The following SPCS3 variants were observed in gnomAD, a reference collection of about 807,000 sequenced individuals.
SPCS3 encodes SPase 22 kDa subunit.
Under a neutral mutation model 17.2 loss-of-function variants are expected in SPCS3, and 9 were observed. The observed-to-expected ratio is 0.52, with a 90% confidence interval of 0.31 to 0.91. SPCS3 has a LOEUF of 0.91. SPCS3 is among the 40% of genes least tolerant of loss of function. The pLI is 0.04. For missense variants in SPCS3, 139 were observed against 217.5 expected (o/e 0.64, Z 2.27); for synonymous variants, 87 against 89.6 (o/e 0.97, Z 0.16).
chr4:176,330,667 A>T lies in SPCS3; in HGVS notation c.*2337A>T, dbSNP rs1560839589. On this transcript the variant is annotated 3_prime_UTR_variant, in exon 5 of 5. Transcript: ENST00000503362. ...ACATTTAAAAAATTGACTTGTGTTC[A>T]GTTTGATAACCAGTTCATTTGCTTT... is the stretch of plus-strand genomic sequence containing the variant. 6.6e-6 allele frequency: 1 copy of T among 152,202 alleles called. No homozygotes were observed. Among genetic ancestry groups the T allele is most frequent in the Non-Finnish European group, 1.5e-5 (1 of 68,022 alleles). The allele number at this position is 152,202 out of a possible 1,614,324, so 9.4% of individuals were successfully genotyped here. A position where few individuals can be genotyped will look rare whatever the true frequency, so the allele number is the denominator to read the frequency against.
intron 4 of SPCS3, chr4:176,327,513 G>A (rs561755924): frequency 1.7e-5 from 5 of 291,376 alleles, no homozygotes; most frequent in South Asian, 4.2e-5. Flanking sequence ...TATCCTAAGC[G>A]TGTACAAGGA....
intron 1 of SPCS3, 35 bp from the exon 2 acceptor site, chr4:176,322,135 T>C (rs1037822426): frequency 1.4e-5 from 20 of 1,381,780 alleles, no homozygotes; most frequent in Non-Finnish European, 1.7e-5. Context: ...TATGTTCTGT[T>C]GGAAGGATGG....
At position 176,327,152 on chromosome 4, in the gene SPCS3, T is replaced by C. The variant is rs1453822896; in HGVS notation, c.295-10T>C. The C allele has an allele frequency of 6.7e-7, 1 of 1,500,558 alleles. No homozygotes were observed. The allele number at this position is 1,500,558 out of a possible 1,614,324, so 93.0% of individuals were successfully genotyped here. A position where few individuals can be genotyped will look rare whatever the true frequency, so the allele number is the denominator to read the frequency against. Reference sequence around the variant, plus strand: ...GATGAGTTATCTAATTAATTTTCATTTTAATATAGGCTCTGAACCAAGTTG... The same window carrying C: ...GATGAGTTATCTAATTAATTTTCATCTTAATATAGGCTCTGAACCAAGTTG... On this transcript the variant is annotated splice_polypyrimidine_tract_variant and intron_variant, in intron 3 of 4. Transcript: ENST00000503362.
rs183083748 is a variant in SPCS3 at position 176,331,501 on chromosome 4, G to A, written c.*3171G>A. On this transcript the variant is annotated 3_prime_UTR_variant, in exon 5 of 5. Transcript: ENST00000503362. Reference sequence around the variant, plus strand: ...GTTGCATGTTTTTGATGCAATTTGGGAAATTGTTTACTTCACAATGTAGTC... The same window carrying A: ...GTTGCATGTTTTTGATGCAATTTGGAAAATTGTTTACTTCACAATGTAGTC... 217 of 152,210 alleles carry A rather than the reference G, an allele frequency of 1.4e-3. 3 individuals carry two copies. Among genetic ancestry groups the A allele is most frequent in the African/African-American group, 4.8e-3 (201 of 41,536 alleles). The allele number at this position is 152,210 out of a possible 1,614,324, so 9.4% of individuals were successfully genotyped here.
chr4:176,325,751 A>C (rs771025114), intron 3 of SPCS3, among the ~76,000 whole-genome samples: 2 of 151,632 alleles, frequency 1.3e-5, no homozygotes, highest in Non-Finnish European at 1.5e-5. Flanking sequence ...GTTTTTATTT[A>C]TTTATTTTTA....
rs972262927 is a variant in SPCS3, at chr4:176,332,075, A to T, written c.*3745A>T. 3 of 151,994 alleles carry T rather than the reference A, an allele frequency of 2.0e-5. No individual in the cohort carries two copies. The highest frequency in any genetic ancestry group is 7.3e-5 in the African/African-American group (3 of 41,368). The allele number at this position is 151,994 out of a possible 1,614,324, so 9.4% of individuals were successfully genotyped here. ...TTTTCTTTTTTTTTGTGGGGGTGGG[A>T]TGGGGGAGGTTAGTTACACTTAAAA... On this transcript the variant is annotated 3_prime_UTR_variant, in exon 5 of 5. Coordinates refer to ENST00000503362, the MANE Select transcript of SPCS3 (RefSeq NM_021928.4).
intron 1 of SPCS3, 102 bp downstream of exon 1, chr4:176,320,321 A>G (rs1731518471): frequency 1.8e-6 from 2 of 1,127,384 alleles, no homozygotes; most frequent in Non-Finnish European, 2.2e-6. Flanking sequence ...GGCCGCGGGC[A>G]GGGCGTCCGG....
At chr4:176,323,332 C>T (rs35687562) in intron 2 of SPCS3, among the ~76,000 whole-genome samples, 10,074 of 152,054 alleles carry the variant, frequency 0.066, 373 homozygotes, top group African/African-American at 0.091. Flanking sequence ...TTATATATTA[C>T]CAATCTCATT....
At chr4:176,325,180 T>C (rs991932122) in intron 3 of SPCS3, among the ~76,000 whole-genome samples, 2 of 151,496 alleles carry the variant, frequency 1.3e-5, no homozygotes, top group Admixed American at 6.6e-5. Context: ...CTCAGCCTCC[T>C]GAGTAGCTGG....
intron 1 of SPCS3, chr4:176,320,628 C>A (rs1415827521): frequency 6.5e-6 from 1 of 152,878 alleles, no homozygotes; most frequent in Non-Finnish European, 1.5e-5. Flanking sequence ...CATGCGAGGC[C>A]CTCCAGGCGC....
intron 4 of SPCS3, among the ~76,000 whole-genome samples, chr4:176,327,789 C>T (rs73871982): frequency 0.011 from 1,677 of 152,302 alleles, 32 homozygotes; most frequent in African/African-American, 0.036. Context: ...CCAAGCCAAA[C>T]GTCTGTATTT....
Position 176,329,726 on chromosome 4 carries a change from C to G in SPCS3, c.*1396C>G, listed in dbSNP as rs186839159. 2.3e-4 allele frequency: 35 copies of G among 151,852 alleles called. No homozygotes were observed. The East Asian group carries it at 4.4e-3, about 19-fold the overall frequency. 9.4% of individuals were successfully genotyped at this position (151,852 alleles called of 1,614,324 possible). ...TTTCTGCAGTGGACAAATAAACATC[C>G]TCAAAGTAGCAACTGCAAATCAGTT... is the stretch of plus-strand genomic sequence containing the variant. On this transcript the variant is annotated 3_prime_UTR_variant, in exon 5 of 5. Coordinates refer to ENST00000503362, the MANE Select transcript of SPCS3 (RefSeq NM_021928.4).
Position 176,320,001 on chromosome 4 carries a change from C to A in SPCS3, c.-76C>A, listed in dbSNP as rs903405630. The A allele has an allele frequency of 2.2e-6, 3 of 1,387,674 alleles. No homozygotes were observed. Among genetic ancestry groups the A allele is most frequent in the Non-Finnish European group, 1.9e-6 (2 of 1,058,332 alleles). The allele number at this position is 1,387,674 out of a possible 1,614,324, so 86.0% of individuals were successfully genotyped here. On this transcript the variant is annotated 5_prime_UTR_variant, in exon 1 of 5. Coordinates refer to ENST00000503362, the MANE Select transcript of SPCS3 (RefSeq NM_021928.4). ...CGCGCGCACCGCAGACGGCGCGGAT[C>A]GCAGGGAGCCGGTCCGCCGCCGGAA...
chr4:176,325,956 T>C lies in SPCS3; in HGVS notation c.295-1206T>C, dbSNP rs951750414. Among the ~76,000 whole-genome samples the C allele has an allele frequency of 2.6e-5, 4 of 152,180 alleles. No homozygotes were observed. In the East Asian group the frequency reaches 7.7e-4, roughly 29 times the overall value. ...TTTAATAGGTTTTGATATAATGGTT[T>C]AATAGCTTTTAATTATAAAACTTAT... On this transcript the variant is annotated intron_variant, in intron 3 of 4. Transcript: ENST00000503362.
At position 176,328,217 on chromosome 4, in the gene SPCS3, T is replaced by C; in HGVS notation, c.430T>C (p.Leu144=). 1 of 1,613,156 alleles carries C rather than the reference T, an allele frequency of 6.2e-7. No homozygotes were observed. Among genetic ancestry groups the C allele is most frequent in the East Asian group, 2.2e-5 (1 of 44,828 alleles). Residue 144 remains leucine, a synonymous_variant, in exon 5 of 5, where the codon TTG becomes CTG. Coordinates refer to ENST00000503362, the MANE Select transcript of SPCS3 (RefSeq NM_021928.4). The part of the protein sequence containing the change: ...NGLKGNRNVT[L]TLSWNVVPNA... ...TTATAGGGGAAACAGGAATGTCACT[T>C]TGACCCTGTCTTGGAACGTCGTACC...
Position 176,320,028 on chromosome 4 carries a change from G to C in SPCS3, c.-49G>C, listed in dbSNP as rs1731512748. 2 of 1,443,196 alleles carry C rather than the reference G, an allele frequency of 1.4e-6. No homozygotes were observed. Among genetic ancestry groups the C allele is most frequent in the Middle Eastern group, 1.8e-4 (1 of 5,416 alleles). 89.4% of individuals were successfully genotyped at this position (1,443,196 alleles called of 1,614,324 possible). On this transcript the variant is annotated 5_prime_UTR_variant, in exon 1 of 5. Coordinates refer to ENST00000503362, the MANE Select transcript of SPCS3 (RefSeq NM_021928.4). ...CAGGGAGCCGGTCCGCCGCCGGAAC[G>C]GGAGCCTGGGTGTGCGTGTGGAGTC...
In SPCS3 at chr4:176,328,368, A is replaced by G; in HGVS notation, c.*38A>G. On this transcript the variant is annotated 3_prime_UTR_variant, in exon 5 of 5. Coordinates refer to ENST00000503362, the MANE Select transcript of SPCS3 (RefSeq NM_021928.4). ...TTGAAACAACATATTTTTATACTTA[A>G]TGAATTGTATCTCATTAATCTCTTC... 5 of 1,500,526 alleles carry G rather than the reference A, an allele frequency of 3.3e-6. No individual in the cohort carries two copies. Among genetic ancestry groups the G allele is most frequent in the Non-Finnish European group, 3.6e-6 (4 of 1,112,616 alleles). The allele number at this position is 1,500,526 out of a possible 1,614,324, so 93.0% of individuals were successfully genotyped here. A position where few individuals can be genotyped will look rare whatever the true frequency, so the allele number is the denominator to read the frequency against.
At chr4:176,324,991 A>G (rs1472806817) in intron 3 of SPCS3, among the ~76,000 whole-genome samples, 1 of 151,790 alleles carries the variant, frequency 6.6e-6, no homozygotes, top group Non-Finnish European at 1.5e-5. Flanking sequence ...ACTATCAACT[A>G]GGAAATGGAG....
intron 4 of SPCS3, 123 bp downstream of exon 4, chr4:176,327,400 T>C (rs1731621608): frequency 1.8e-6 from 1 of 566,078 alleles, no homozygotes; most frequent in Non-Finnish European, 3.1e-6. Context: ...GAAGTATTTA[T>C]GCATATCTGA....
Sources: allele counts gnomAD v4.1 joint callset (sites outside exome capture counted in the v4.1 genomes callset), GRCh38; gene constraint gnomAD v4.1.1; transcripts MANE v1.5; gene names NCBI Gene and HGNC (gene_info 2026-07-23, HGNC 2026-07-21).